The following NCOA1 variants were observed in gnomAD, a reference collection of about 807,000 sequenced individuals.
NCOA1 encodes nuclear receptor coactivator 1, also known as Hin-2 protein.
In NCOA1, 35 loss-of-function variants were observed where a neutral mutation model predicts 150.9. That is an observed-to-expected ratio of 0.23 (90% CI 0.18 to 0.31). NCOA1 has a LOEUF of 0.31. NCOA1 is among the 10% of genes least tolerant of loss of function. The pLI is 1.00. For synonymous variants in NCOA1, 590 were observed against 630.0 expected (o/e 0.94, Z 0.95); for missense variants, 1,491 against 1,749.3 (o/e 0.85, Z 2.63).
intron 20 of NCOA1, among the ~76,000 whole-genome samples, chr2:24,755,207 T>C (rs1664440776): frequency 6.6e-6 from 1 of 152,230 alleles, no homozygotes; most frequent in African/African-American, 2.4e-5. Context: ...AACCATTAAG[T>C]AGAATGATGT....
intron 3 of NCOA1, among the ~76,000 whole-genome samples, chr2:24,637,673 T>C (rs990050139): frequency 2.0e-5 from 3 of 151,776 alleles, no homozygotes; most frequent in Non-Finnish European, 4.4e-5. Flanking sequence ...ATACAATATA[T>C]TGGGGGTTTT....
intron 2 of NCOA1, among the ~76,000 whole-genome samples, chr2:24,582,946 A>T (rs1288324516): frequency 2.0e-5 from 3 of 152,136 alleles, no homozygotes; most frequent in Non-Finnish European, 4.4e-5. Flanking sequence ...ACAAAAATCA[A>T]CTCCAAATGG....
At chr2:24,582,578 C>G (rs1667237566) in intron 2 of NCOA1, among the ~76,000 whole-genome samples, 1 of 152,114 alleles carries the variant, frequency 6.6e-6, no homozygotes, top group Non-Finnish European at 1.5e-5. Flanking sequence ...ATACCAATGA[C>G]ATTCTTCACA....
intron 11 of NCOA1, among the ~76,000 whole-genome samples, chr2:24,702,083 T>C (rs1673191247): frequency 6.6e-6 from 1 of 152,236 alleles, no homozygotes; most frequent in South Asian, 2.1e-4. Context: ...AGCATTGCTA[T>C]AAAACATAAA....
chr2:24,507,223 A>G (rs1369232474), intron 1 of NCOA1, among the ~76,000 whole-genome samples: 1 of 152,170 alleles, frequency 6.6e-6, no homozygotes, highest in African/African-American at 2.4e-5. Flanking sequence ...TGGGCTCTGG[A>G]GCCAGATTTC....
chr2:24,627,845 C>T (rs1669502261), intron 3 of NCOA1, among the ~76,000 whole-genome samples: 1 of 152,122 alleles, frequency 6.6e-6, no homozygotes, highest in South Asian at 2.1e-4. Context: ...TTTTCTCTTG[C>T]CTTGTGGCAA....
At chr2:24,719,049 A>AC (rs1185578556) in intron 14 of NCOA1, among the ~76,000 whole-genome samples, 14 of 150,816 alleles carry the variant, frequency 9.3e-5, no homozygotes, top group Admixed American at 9.2e-4. Context: ...AAAAAAAAAA[A>AC]AAAAAACCCC....
intron 19 of NCOA1, among the ~76,000 whole-genome samples, chr2:24,744,922 G>A (rs1663815276): frequency 6.6e-6 from 1 of 152,212 alleles, no homozygotes; most frequent in Admixed American, 6.5e-5. Flanking sequence ...TGATTTCTGT[G>A]TTAAGTGATG....
chr2:24,602,340 A>G (rs1558829391), intron 3 of NCOA1, among the ~76,000 whole-genome samples: 1 of 152,120 alleles, frequency 6.6e-6, no homozygotes, highest in Middle Eastern at 3.4e-3. Context: ...AGCTGGGACT[A>G]CAGGGGTGCA....
At chr2:24,589,290 G>A (rs1210976099) in intron 3 of NCOA1, among the ~76,000 whole-genome samples, 1 of 152,122 alleles carries the variant, frequency 6.6e-6, no homozygotes, top group Non-Finnish European at 1.5e-5. Context: ...AGAATGCATT[G>A]TCCATCTTTC....
At position 24,731,300 on chromosome 2, in the gene NCOA1, C is replaced by T. The variant is rs987281151; in HGVS notation, c.3201+1485C>T. Among the ~76,000 whole-genome samples, 4 of 152,062 alleles carry T rather than the reference C, an allele frequency of 2.6e-5. No individual in the cohort carries two copies. The East Asian group carries it at 7.7e-4, about 29-fold the overall frequency. On this transcript the variant is annotated intron_variant, in intron 17 of 22. Transcript: ENST00000348332. Reference sequence around the variant, plus strand: ...CCCAGTTCCAAACTTAAGTGGGTTGCCTTAATCAAATGATTTACCTTTTAA... The same window carrying T: ...CCCAGTTCCAAACTTAAGTGGGTTGTCTTAATCAAATGATTTACCTTTTAA...
chr2:24,517,441 T>G (rs1459390874), intron 1 of NCOA1, among the ~76,000 whole-genome samples: 1 of 152,074 alleles, frequency 6.6e-6, no homozygotes, highest in African/African-American at 2.4e-5. Flanking sequence ...GCCAGGCCCT[T>G]CTTGGATTTC....
intron 3 of NCOA1, among the ~76,000 whole-genome samples, chr2:24,626,822 T>A (rs369420059): frequency 6.6e-6 from 1 of 152,176 alleles, no homozygotes; most frequent in East Asian, 1.9e-4. Context: ...ATATATAAAC[T>A]CTTCTTAATC....
chr2:24,727,217 A>T (rs1020922952), intron 15 of NCOA1, among the ~76,000 whole-genome samples: 1 of 151,686 alleles, frequency 6.6e-6, no homozygotes, highest in African/African-American at 2.4e-5. Context: ...TGACTGCATG[A>T]CCACAAGGCT....
chr2:24,755,438 G>A (rs1008720651), intron 20 of NCOA1, among the ~76,000 whole-genome samples: 2 of 152,222 alleles, frequency 1.3e-5, no homozygotes, highest in African/African-American at 4.8e-5. Context: ...GGACTCCCCT[G>A]CTTGTTAATA....
chr2:24,604,947 C>T (rs181567437), intron 3 of NCOA1, among the ~76,000 whole-genome samples: 148 of 152,264 alleles, frequency 9.7e-4, no homozygotes, highest in Admixed American at 3.5e-3. Flanking sequence ...TTCACTTGAA[C>T]AGTTAAAGGC....
intron 1 of NCOA1, among the ~76,000 whole-genome samples, chr2:24,557,917 C>T (rs2148244005): frequency 6.6e-6 from 1 of 151,530 alleles, no homozygotes; most frequent in East Asian, 1.9e-4. Flanking sequence ...TATGATATAT[C>T]CATGTATGTT....
chr2:24,635,321 T>G (rs2148442160), intron 3 of NCOA1, among the ~76,000 whole-genome samples: 1 of 152,288 alleles, frequency 6.6e-6, no homozygotes, highest in South Asian at 2.1e-4. Flanking sequence ...GTAAGTGTGC[T>G]CAGCCTCCCA....
At chr2:24,717,181 G>A (rs1674092038) in intron 14 of NCOA1, among the ~76,000 whole-genome samples, 1 of 152,192 alleles carries the variant, frequency 6.6e-6, no homozygotes, top group South Asian at 2.1e-4. Context: ...AGCCACTTTG[G>A]AAGACATTTT....
Sources: allele counts gnomAD v4.1 joint callset (sites outside exome capture counted in the v4.1 genomes callset), GRCh38; gene constraint gnomAD v4.1.1; transcripts MANE v1.5; gene names NCBI Gene and HGNC (gene_info 2026-07-23, HGNC 2026-07-21).